Variants in PPP2R5E observed in about 807,000 individuals in gnomAD.
PPP2R5E encodes the protein protein phosphatase 2 regulatory subunit B'epsilon.
A neutral mutation model predicts 65.3 loss-of-function variants in PPP2R5E; 4 were observed. The observed-to-expected ratio is 0.06, with a 90% confidence interval of 0.03 to 0.14. The LOEUF is 0.14. Among genes scored for constraint, PPP2R5E ranks in the 10% least tolerant of loss-of-function variants. The pLI, the probability that PPP2R5E is intolerant of heterozygous loss-of-function variation, is 1.00. For synonymous variants in PPP2R5E, 183 were observed against 187.4 expected (o/e 0.98, Z 0.19); for missense variants, 274 against 556.1 (o/e 0.49, Z 5.10).
intron 2 of PPP2R5E, among the ~76,000 whole-genome samples, chr14:63,463,375 C>T (rs546290939): frequency 9.3e-5 from 14 of 151,298 alleles, no homozygotes; most frequent in African/African-American, 2.9e-4. Flanking sequence ...CTCCTGGCCT[C>T]GTGATCGCCC....
At chr14:63,385,684 G>A (rs940320723) in intron 11 of PPP2R5E, among the ~76,000 whole-genome samples, 11 of 151,994 alleles carry the variant, frequency 7.2e-5, no homozygotes, top group Admixed American at 7.2e-4. Context: ...ATCCCAGAAG[G>A]AGATACCATT....
intron 5 of PPP2R5E, among the ~76,000 whole-genome samples, chr14:63,398,283 A>G (rs1334909633): frequency 6.6e-6 from 1 of 152,226 alleles, no homozygotes; most frequent in Non-Finnish European, 1.5e-5. Context: ...GAACCAGAAG[A>G]GCCAAAATAC....
intron 6 of PPP2R5E, among the ~76,000 whole-genome samples, 174 bp from the exon 7 acceptor site, chr14:63,395,459 AG>A (rs1885282041): frequency 1.2e-4 from 1 of 8,136 alleles, no homozygotes; most frequent in Non-Finnish European, 2.1e-4. Context: ...AAGGAGGAGG[AG>A]GAGGGGGGAA....
At chr14:63,403,824 T>C (rs1885907503) in intron 5 of PPP2R5E, among the ~76,000 whole-genome samples, 1 of 151,802 alleles carries the variant, frequency 6.6e-6, no homozygotes, top group African/African-American at 2.4e-5. Flanking sequence ...AGAAAACAAA[T>C]GTAATTATGT....
At chr14:63,501,192 G>T (rs1442849554) in intron 2 of PPP2R5E, among the ~76,000 whole-genome samples, 4 of 152,090 alleles carry the variant, frequency 2.6e-5, no homozygotes, top group Non-Finnish European at 5.9e-5. Flanking sequence ...CAGGTCAGGA[G>T]ATCGAGACTA....
intron 2 of PPP2R5E, among the ~76,000 whole-genome samples, chr14:63,469,293 A>G (rs922441446): frequency 3.3e-5 from 5 of 152,148 alleles, no homozygotes; most frequent in African/African-American, 1.2e-4. Context: ...ACAAGAAGAT[A>G]TTATAAGGGC....
At chr14:63,478,325 A>G (rs1311515015) in intron 2 of PPP2R5E, among the ~76,000 whole-genome samples, 3 of 152,214 alleles carry the variant, frequency 2.0e-5, no homozygotes, top group Non-Finnish European at 2.9e-5. Flanking sequence ...AATATGGATT[A>G]TATCTACCAA....
At chr14:63,381,974 A>T (rs1038294501) in intron 13 of PPP2R5E, 82 bp downstream of exon 13, 19 of 1,087,250 alleles carry the variant, frequency 1.7e-5, no homozygotes, top group Non-Finnish European at 2.4e-5. Context: ...GATTTGGGGT[A>T]CAATTAGGCA....
intron 5 of PPP2R5E, among the ~76,000 whole-genome samples, chr14:63,409,329 C>T (rs1463033476): frequency 6.6e-6 from 1 of 152,060 alleles, no homozygotes; most frequent in Non-Finnish European, 1.5e-5. Flanking sequence ...ATCACTTGAA[C>T]CCGGGAGGTG....
At position 63,535,622 on chromosome 14, in the gene PPP2R5E, A is replaced by G. The variant is rs867560701; in HGVS notation, c.157+3907T>C. Reference sequence around the variant, plus strand: ...GCATATCTGAGCATTCAAAAATGACATATTAAAAGATGAGTTACATAATCA... The same window carrying G: ...GCATATCTGAGCATTCAAAAATGACGTATTAAAAGATGAGTTACATAATCA... On this transcript the variant is annotated intron_variant, in intron 2 of 13. Coordinates refer to ENST00000337537, the MANE Select transcript of PPP2R5E (RefSeq NM_006246.5). Among the ~76,000 whole-genome samples, 42 of 127,774 alleles carry G rather than the reference A, an allele frequency of 3.3e-4. 1 individual carries two copies. Among genetic ancestry groups the G allele is most frequent in the African/African-American group, 1.7e-3 (41 of 24,646 alleles). 83.8% of individuals were successfully genotyped at this position (127,774 alleles called of 152,430 possible).
intron 13 of PPP2R5E, among the ~76,000 whole-genome samples, chr14:63,380,273 G>A (rs188430764): frequency 5.3e-5 from 8 of 152,154 alleles, no homozygotes; most frequent in East Asian, 1.9e-4. Flanking sequence ...ACCCTTGGCC[G>A]TTTTTTTAAG....
intron 5 of PPP2R5E, among the ~76,000 whole-genome samples, chr14:63,407,123 A>G: frequency 6.6e-6 from 1 of 152,224 alleles, no homozygotes; most frequent in East Asian, 1.9e-4. Context: ...CAACCTTACA[A>G]TGTGATTATG....
intron 3 of PPP2R5E, among the ~76,000 whole-genome samples, chr14:63,439,411 G>C (rs1331881722): frequency 6.7e-6 from 1 of 150,082 alleles, no homozygotes; most frequent in Non-Finnish European, 1.5e-5. Context: ...TTTTGCTCTT[G>C]TTGCCCAGGC....
At chr14:63,379,657 A>T (rs1177568982) in intron 13 of PPP2R5E, among the ~76,000 whole-genome samples, 1 of 152,162 alleles carries the variant, frequency 6.6e-6, no homozygotes, top group Non-Finnish European at 1.5e-5. Flanking sequence ...AGGAATAGAT[A>T]AAATAATAGT....
intron 2 of PPP2R5E, among the ~76,000 whole-genome samples, chr14:63,515,069 T>A (rs542322151): frequency 1.3e-5 from 2 of 152,252 alleles, no homozygotes; most frequent in South Asian, 4.1e-4. Flanking sequence ...CCCATGTCAC[T>A]TCTGTATTTC....
chr14:63,488,326 T>C (rs1332519670), intron 2 of PPP2R5E, among the ~76,000 whole-genome samples: 1 of 151,890 alleles, frequency 6.6e-6, no homozygotes, highest in African/African-American at 2.4e-5. Context: ...GCCTCCCAAA[T>C]AGCTAAGACT....
intron 3 of PPP2R5E, among the ~76,000 whole-genome samples, chr14:63,450,449 G>A (rs908252795): frequency 3.3e-5 from 5 of 152,152 alleles, no homozygotes; most frequent in Non-Finnish European, 7.4e-5. Context: ...GGAGAATGGG[G>A]AGGAAAAGAG....
At chr14:63,487,977 C>T (rs1891077469) in intron 2 of PPP2R5E, among the ~76,000 whole-genome samples, 1 of 152,074 alleles carries the variant, frequency 6.6e-6, no homozygotes, top group African/African-American at 2.4e-5. Flanking sequence ...CTCATGTCTC[C>T]AAAATAAAAA....
At chr14:63,382,179 G>A in intron 12 of PPP2R5E, 22 bp from the exon 13 acceptor site, 1 of 1,584,154 alleles carries the variant, frequency 6.3e-7, no homozygotes, top group Non-Finnish European at 8.7e-7. Context: ...AGAAAAAAAG[G>A]AGTGTGTTAG....
Sources: gnomAD v4.1 joint callset for allele counts (sites outside exome capture counted in the v4.1 genomes callset) on GRCh38, gnomAD v4.1.1 for gene constraint, MANE v1.5 for transcripts, NCBI Gene and HGNC (gene_info 2026-07-23, HGNC 2026-07-21) for gene names.